The following CBFB variants were observed in gnomAD, a reference collection of about 807,000 sequenced individuals.
CBFB encodes CBF-beta.
A neutral mutation model predicts 30.4 loss-of-function variants in CBFB; 9 were observed. The ratio of observed to expected loss-of-function variants is 0.30; its 90% CI spans 0.18 to 0.52. CBFB has a LOEUF of 0.52. Ranked by LOEUF, CBFB falls within the 20% of genes least tolerant of loss-of-function variation. The probability of loss-of-function intolerance (pLI) is 0.97; values close to 1 mark genes in which losing one functional copy is unlikely to be tolerated. For missense variants in CBFB, 170 were observed against 244.0 expected (o/e 0.70, Z 2.02); for synonymous variants, 94 against 84.0 (o/e 1.12, Z -0.65).
intron 4 of CBFB, among the ~76,000 whole-genome samples, chr16:67,080,129 T>G (rs945107061): frequency 3.3e-5 from 5 of 152,132 alleles, no homozygotes; most frequent in Non-Finnish European, 7.3e-5. Flanking sequence ...TATTCAGAAG[T>G]GTGTGACGGC....
intron 3 of CBFB, among the ~76,000 whole-genome samples, chr16:67,039,022 T>C (rs1166795820): frequency 1.3e-5 from 2 of 152,192 alleles, no homozygotes; most frequent in Admixed American, 1.3e-4. Context: ...ATAACAAAAA[T>C]GTGAGATGGT....
rs755947368 is a variant in CBFB, at chr16:67,029,370, C to T, written c.-38C>T. On this transcript the variant is annotated 5_prime_UTR_variant, in exon 1 of 6. Transcript: ENST00000412916. Reference sequence around the variant, plus strand: ...CAGCCAGCGGGTGCCCGCGCAAGCCCCGAGCGCGGCCGGCCGGCGCGGCCT... The same window carrying T: ...CAGCCAGCGGGTGCCCGCGCAAGCCTCGAGCGCGGCCGGCCGGCGCGGCCT... The T allele has an allele frequency of 4.1e-6, 6 of 1,455,938 alleles. No individual in the cohort carries two copies. Among genetic ancestry groups the T allele is most frequent in the South Asian group, 1.3e-5 (1 of 76,038 alleles). The allele number at this position is 1,455,938 out of a possible 1,614,324, so 90.2% of individuals were successfully genotyped here. A position where few individuals can be genotyped will look rare whatever the true frequency, so the allele number is the denominator to read the frequency against.
chr16:67,036,832 A>G lies in CBFB; in HGVS notation c.282+77A>G, dbSNP rs947241796. On this transcript the variant is annotated intron_variant, in intron 3 of 5. Transcript: ENST00000412916. ...ATTATCTGGTAATTTACATTTTAAT[A>G]AAGATCACAGATCTGATTATACCAG... 16 of 848,142 alleles carry G rather than the reference A, an allele frequency of 1.9e-5. No homozygotes were observed. The Admixed American group carries it at 2.2e-4, about 12-fold the overall frequency. 52.5% of individuals were successfully genotyped at this position (848,142 alleles called of 1,614,324 possible).
At chr16:67,093,121 A>C (rs1263220414) in intron 5 of CBFB, among the ~76,000 whole-genome samples, 2 of 151,854 alleles carry the variant, frequency 1.3e-5, no homozygotes, top group Non-Finnish European at 2.9e-5. Flanking sequence ...AATTTTTAAA[A>C]ATTTTTTGTA....
rs1257934741 is a variant in CBFB at position 67,054,048 on chromosome 16, C to A, written c.283-12634C>A. Among the ~76,000 whole-genome samples, 3 of 152,094 alleles carry A rather than the reference C, an allele frequency of 2.0e-5. No homozygotes were observed. The East Asian group carries it at 5.8e-4, about 29-fold the overall frequency. ...ACCATCCTCAGAATGTCCATCTCTT[C>A]AATCTAGACTGATTGTCCTCTATAT... On this transcript the variant is annotated intron_variant, in intron 3 of 5. Transcript: ENST00000412916.
At chr16:67,096,638 T>G (rs1391038194) in intron 5 of CBFB, among the ~76,000 whole-genome samples, 1 of 152,046 alleles carries the variant, frequency 6.6e-6, no homozygotes, top group African/African-American at 2.4e-5. Flanking sequence ...AATTTTTATT[T>G]TATAGACCTA....
chr16:67,033,120 C>T (rs1042482913), intron 2 of CBFB, among the ~76,000 whole-genome samples: 8 of 152,116 alleles, frequency 5.3e-5, no homozygotes, highest in East Asian at 1.9e-4. Flanking sequence ...GGTGATCCAC[C>T]GACCTCGGCC....
At chr16:67,070,196 T>C (rs530704652) in intron 4 of CBFB, among the ~76,000 whole-genome samples, 7 of 152,216 alleles carry the variant, frequency 4.6e-5, no homozygotes, top group Non-Finnish European at 8.8e-5. Flanking sequence ...ATTAAAACTT[T>C]CTAGTGAAAA....
At chr16:67,095,282 G>A (rs1226083083) in intron 5 of CBFB, among the ~76,000 whole-genome samples, 1 of 151,512 alleles carries the variant, frequency 6.6e-6, no homozygotes, top group Non-Finnish European at 1.5e-5. Flanking sequence ...ACTTTGGGAG[G>A]CTGAGGTGGG....
intron 4 of CBFB, 83 bp from the exon 5 acceptor site, chr16:67,082,130 A>T: frequency 3.7e-6 from 1 of 267,070 alleles, no homozygotes; most frequent in Non-Finnish European, 5.3e-6. Context: ...CTGTTTCAGG[A>T]AAAAAAAAAA....
intron 4 of CBFB, among the ~76,000 whole-genome samples, chr16:67,070,281 G>A (rs1382245318): frequency 6.6e-6 from 1 of 152,210 alleles, no homozygotes; most frequent in Non-Finnish European, 1.5e-5. Context: ...GCACATGCCT[G>A]TAGTCCTAGC....
intron 1 of CBFB, 109 bp from the exon 2 acceptor site, chr16:67,029,618 G>A: frequency 1.5e-6 from 2 of 1,302,726 alleles, no homozygotes; most frequent in Non-Finnish European, 2.1e-6. Context: ...CGCCGGGGCG[G>A]CCATCGCCCG....
intron 5 of CBFB, among the ~76,000 whole-genome samples, chr16:67,084,895 C>CT (rs944451920): frequency 4.4e-4 from 67 of 152,238 alleles, no homozygotes; most frequent in African/African-American, 1.5e-3. Context: ...TTTTCTATGA[C>CT]TGAGTTTCCT....
intron 3 of CBFB, among the ~76,000 whole-genome samples, chr16:67,064,282 C>T (rs1960992552): frequency 6.6e-6 from 1 of 152,242 alleles, no homozygotes; most frequent in Non-Finnish European, 1.5e-5. Context: ...TCTCAGTTTA[C>T]TGCAACCTCT....
chr16:67,091,701 TTGTC>T (rs776905940), intron 5 of CBFB, among the ~76,000 whole-genome samples: 1 of 152,262 alleles, frequency 6.6e-6, no homozygotes, highest in Non-Finnish European at 1.5e-5. Context: ...ATGTTTATAA[TTGTC>T]TGCTGACTTT....
At chr16:67,061,751 G>T (rs112548091) in intron 3 of CBFB, among the ~76,000 whole-genome samples, 8 of 151,984 alleles carry the variant, frequency 5.3e-5, no homozygotes, top group Non-Finnish European at 7.4e-5. Flanking sequence ...TCATTTTCTG[G>T]CTGGGTGCGG....
chr16:67,029,788 C>T lies in CBFB; in HGVS notation c.140C>T (p.Ala47Val). 1 of 1,590,486 alleles carries T rather than the reference C, an allele frequency of 6.3e-7. No homozygotes were observed. The highest frequency in any genetic ancestry group is 8.5e-7 in the Non-Finnish European group (1 of 1,170,626). ...GAACGCCAGGCACGCTTCCAGAACGCCTGCCGCGACGGCCGCTCGGAAATC... is the reference window on the plus strand; with the variant it reads ...GAACGCCAGGCACGCTTCCAGAACGTCTGCCGCGACGGCCGCTCGGAAATC... ...HEERQARFQN[A>V]CRDGRSEIAF... The change falls in exon 2 of 6, where the codon GCC becomes GTC. Residue 47 changes from alanine (A) to valine (V), a missense_variant. Physicochemically the swap from Ala to Val is moderately conservative, Grantham distance 64. Transcript: ENST00000412916.
chr16:67,086,422 GAAC>G (rs1961733308), intron 5 of CBFB, among the ~76,000 whole-genome samples: 1 of 151,966 alleles, frequency 6.6e-6, no homozygotes, highest in Non-Finnish European at 1.5e-5. Context: ...TGTTCTTATT[GAAC>G]AACATGTTGA....
intron 5 of CBFB, among the ~76,000 whole-genome samples, chr16:67,092,698 C>CTTTTTTTTTTTTTTTTTTTTTTTTTT (rs777213321): frequency 3.0e-5 from 1 of 33,492 alleles, no homozygotes. Flanking sequence ...GTGGTGCAAT[C>CTTTTTTTTTTTTTTTTTTTTTTTTTT]TTTTTTTTTT....
Sources: allele counts gnomAD v4.1 joint callset (sites outside exome capture counted in the v4.1 genomes callset), GRCh38; gene constraint gnomAD v4.1.1; transcripts MANE v1.5; gene names NCBI Gene and HGNC (gene_info 2026-07-23, HGNC 2026-07-21).